Variants in HADHA observed in about 807,000 individuals in gnomAD.
HADHA encodes trifunctional enzyme subunit alpha, mitochondrial.
Under a neutral mutation model 91.3 loss-of-function variants are expected in HADHA, and 59 were observed. The observed-to-expected ratio is 0.65, with a 90% CI of 0.52 to 0.80. The LOEUF (loss-of-function observed/expected upper bound fraction) is 0.80. Among genes scored for constraint, HADHA ranks in the 30% least tolerant of loss-of-function variants. The probability of loss-of-function intolerance (pLI) is 0.00; values close to 1 mark genes in which losing one functional copy is unlikely to be tolerated. For missense variants in HADHA, 800 were observed against 927.6 expected (o/e 0.86, Z 1.79); for synonymous variants, 320 against 338.9 (o/e 0.94, Z 0.61).
At position 26,195,128 on chromosome 2, in the gene HADHA, A is replaced by T; in HGVS notation, c.1584T>A (p.Val528=). Residue 528 remains valine (V), a synonymous_variant, in exon 15 of 20, where the codon GTT becomes GTA. Coordinates refer to ENST00000380649, the MANE Select transcript of HADHA (RefSeq NM_000182.5). ...SKDTSASAVA[V]GLKQGKVIIV... is the part of the protein sequence containing the mutation. ...TGATGACCTTCCCCTGCTTGAGACC[A>T]ACTGCTACAGCTGAAGCACTGGTGT... is the stretch of plus-strand genomic sequence containing the variant. 5 of 1,613,008 alleles carry T rather than the reference A, an allele frequency of 3.1e-6. No individual in the cohort carries two copies. The highest frequency in any genetic ancestry group is 4.2e-6 in the Non-Finnish European group (5 of 1,179,120).
rs373332099 is a variant in HADHA, at chr2:26,221,204, G to C, written c.677-6029C>G. ...CTAGTTTAAGTGGGACCCAGAACAA[G>C]AGAAGCTGTTCTGCCATTTGGGCCA... On this transcript the variant is annotated intron_variant, in intron 7 of 19. Coordinates refer to ENST00000380649, the MANE Select transcript of HADHA (RefSeq NM_000182.5). This position sits in a 1 kb window ranked among gnomAD's most constrained non-coding sequence, Gnocchi z 4.8. 7.2e-5 allele frequency among the ~76,000 whole-genome samples: 11 copies of C among 152,198 alleles called. No homozygotes were observed. In the East Asian group the frequency reaches 1.9e-3, roughly 27 times the overall value.
At chr2:26,228,553 A>G (rs1235748766) in intron 7 of HADHA, among the ~76,000 whole-genome samples, 1 of 152,250 alleles carries the variant, frequency 6.6e-6, no homozygotes, top group East Asian at 1.9e-4. Context: ...GTACATTTCT[A>G]CAATGGAGTA....
chr2:26,209,833 A>G lies in HADHA; in HGVS notation c.1032T>C (p.His344=). 2 of 1,608,552 alleles carry G rather than the reference A, an allele frequency of 1.2e-6. No homozygotes were observed. Among genetic ancestry groups the G allele is most frequent in the South Asian group, 1.1e-5 (1 of 90,964 alleles). ...KESKALMGLY[H]GQVLCKKNKF... The stretch of plus-strand genomic sequence containing the variant: ...TATTCTTCTTGCACAGGACCTGACC[A>G]TGGTAGAGTCCCATCAAGGCCTTTG... Residue 344 remains histidine, a synonymous_variant, in exon 11 of 20, where the codon CAT becomes CAC. Coordinates refer to ENST00000380649, the MANE Select transcript of HADHA (RefSeq NM_000182.5).
rs138584909 is a variant in HADHA, at chr2:26,193,685, C to T, written c.1777G>A (p.Val593Met). The T allele has an allele frequency of 8.1e-6, 13 of 1,613,998 alleles. No individual in the cohort carries two copies. The highest frequency in any genetic ancestry group is 5.3e-5 in the African/African-American group (4 of 74,924). Residue 593 changes from valine (V) to methionine (M), a missense_variant, in exon 17 of 20, where the codon GTG (valine) becomes ATG (methionine). Coordinates refer to ENST00000380649, the MANE Select transcript of HADHA (RefSeq NM_000182.5). The stretch of plus-strand genomic sequence containing the variant: ...TCCGCCACATGTTTCGCTACATCCA[C>T]ACCAACTTCATCCACCAGTGTGGCG... ...GAATLVDEVG[V>M]DVAKHVAEDL...
At chr2:26,200,861 T>C (rs1047363312) in intron 13 of HADHA, among the ~76,000 whole-genome samples, 2 of 151,984 alleles carry the variant, frequency 1.3e-5, no homozygotes, top group African/African-American at 4.8e-5. Context: ...GCCTCCCAAA[T>C]AGCTGGGACT....
rs142120825 is a variant in HADHA at position 26,191,322 on chromosome 2, A to G, written c.2220T>C (p.Tyr740=). 2.4e-5 allele frequency: 38 copies of G among 1,613,900 alleles called. No individual in the cohort carries two copies. The highest frequency in any genetic ancestry group is 3.1e-5 in the Non-Finnish European group (36 of 1,180,030). Residue 740 remains tyrosine (Y), a synonymous_variant, in exon 20 of 20, where the codon TAT becomes TAC. Coordinates refer to ENST00000380649, the MANE Select transcript of HADHA (RefSeq NM_000182.5). ...VDRLKKYEAA[Y]GKQFTPCQLL... ...GCTGGCATGGGGTGAACTGTTTTCC[A>G]TAGGCAGCTTCATATTTCTTGAGCC...
intron 7 of HADHA, among the ~76,000 whole-genome samples, chr2:26,222,149 C>T (rs769347331): frequency 2.0e-5 from 3 of 151,992 alleles, no homozygotes; most frequent in Non-Finnish European, 4.4e-5. Flanking sequence ...TGACTGGTAT[C>T]CTTATGAGAA....
At chr2:26,235,510 C>T (rs115795063) in intron 4 of HADHA, among the ~76,000 whole-genome samples, 3,101 of 152,296 alleles carry the variant, frequency 0.02, 102 homozygotes, top group African/African-American at 0.07. Flanking sequence ...CATGTATTTT[C>T]CTCTGGATAT....
chr2:26,191,214 G>A lies in HADHA; in HGVS notation c.*36C>T. The A allele has an allele frequency of 6.2e-7, 1 of 1,603,758 alleles. No individual in the cohort carries two copies. The highest frequency in any genetic ancestry group is 1.3e-5 in the African/African-American group (1 of 74,818). ...GAGAACCAGCACTGCCGGCAGCTGG[G>A]GTTAGTGCACTGACTGAGCGAGGCA... On this transcript the variant is annotated 3_prime_UTR_variant, in exon 20 of 20. Coordinates refer to ENST00000380649, the MANE Select transcript of HADHA (RefSeq NM_000182.5).
At position 26,229,672 on chromosome 2, in the gene HADHA, C is replaced by T. The variant is rs1446395945; in HGVS notation, c.676+520G>A. Among the ~76,000 whole-genome samples the T allele has an allele frequency of 6.6e-6, 1 of 152,130 alleles. No individual in the cohort carries two copies. The highest frequency in any genetic ancestry group is 1.5e-5 in the Non-Finnish European group (1 of 68,028). On this transcript the variant is annotated intron_variant, in intron 7 of 19. Transcript: ENST00000380649. The surrounding 1 kb of genome is among the most constrained non-coding windows in gnomAD (Gnocchi z 4.3). Reference sequence around the variant, plus strand: ...AATAATGACTTGACTGAATTCTGTACTCCTAATGTTCTAATTATAAAGCAA... The same window carrying T: ...AATAATGACTTGACTGAATTCTGTATTCCTAATGTTCTAATTATAAAGCAA...
chr2:26,218,380 C>T (rs1348641850), intron 7 of HADHA, among the ~76,000 whole-genome samples: 21 of 151,342 alleles, frequency 1.4e-4, no homozygotes, highest in Admixed American at 1.4e-3. Flanking sequence ...TAGACTTTGT[C>T]AGACAAATCA....
rs146890529 is a variant in HADHA, at chr2:26,229,674, C to G, written c.676+518G>C. ...TAATGACTTGACTGAATTCTGTACT[C>G]CTAATGTTCTAATTATAAAGCAAAA... On this transcript the variant is annotated intron_variant, in intron 7 of 19. Coordinates refer to ENST00000380649, the MANE Select transcript of HADHA (RefSeq NM_000182.5). This position sits in a 1 kb window ranked among gnomAD's most constrained non-coding sequence, Gnocchi z 4.3. 1.6e-3 allele frequency among the ~76,000 whole-genome samples: 236 copies of G among 152,210 alleles called. 2 individuals carry two copies. The highest frequency in any genetic ancestry group is 5.4e-3 in the African/African-American group (226 of 41,524).
chr2:26,220,316 T>C (rs1189566073), intron 7 of HADHA, among the ~76,000 whole-genome samples: 2 of 152,188 alleles, frequency 1.3e-5, no homozygotes, highest in African/African-American at 4.8e-5. Context: ...CACTATATGC[T>C]CTGACTTGTA....
chr2:26,210,682 A>G lies in HADHA; in HGVS notation c.976-793T>C, dbSNP rs2147767287. The G allele has an allele frequency of 6.6e-6, 1 of 152,318 alleles. No homozygotes were observed. Among genetic ancestry groups the G allele is most frequent in the Admixed American group, 6.5e-5 (1 of 15,292 alleles). The allele number at this position is 152,318 out of a possible 1,614,324, so 9.4% of individuals were successfully genotyped here. Reference sequence around the variant, plus strand: ...CTTTTTCCACTGTAGCAGGCTGCCCACGTGGGACTTACCACTTTTAAAAGT... The same window carrying G: ...CTTTTTCCACTGTAGCAGGCTGCCCGCGTGGGACTTACCACTTTTAAAAGT... On this transcript the variant is annotated intron_variant, in intron 10 of 19. Transcript: ENST00000380649. This position sits in a 1 kb window ranked among gnomAD's most constrained non-coding sequence, Gnocchi z 4.0.
At chr2:26,208,593 G>A (rs1456455201) in intron 11 of HADHA, among the ~76,000 whole-genome samples, 1 of 152,192 alleles carries the variant, frequency 6.6e-6, no homozygotes, top group Non-Finnish European at 1.5e-5. Flanking sequence ...TTTGCAGGAT[G>A]CTTCTCTGCC....
At position 26,192,382 on chromosome 2, in the gene HADHA, A is replaced by G. The variant is rs773782424; in HGVS notation, c.1928T>C (p.Val643Ala). The G allele has an allele frequency of 1.2e-6, 2 of 1,608,978 alleles. No homozygotes were observed. ...GTCAGAATTCAAATCCTTCCTCTTC[A>G]CACCCTCCTGATAGATGTAAAAGCC... ...GKGFYIYQEGVKRKDLNSDMD... is the reference protein window; with the variant it reads ...GKGFYIYQEGAKRKDLNSDMD... The change falls in exon 18 of 20, where the codon GTG becomes GCG. Residue 643 changes from valine (V) to alanine (A), a missense_variant. Val to Ala is a moderately conservative substitution (Grantham distance 64). Transcript: ENST00000380649.
In HADHA at chr2:26,193,729, A is replaced by G; in HGVS notation, c.1733T>C (p.Phe578Ser). The change falls in exon 17 of 20, where the codon TTT (phenylalanine) becomes TCT (serine). Residue 578 changes from phenylalanine (F) to serine (S), a missense_variant. Transcript: ENST00000380649. The stretch of plus-strand genomic sequence containing the variant: ...TGTGGCGGCACCCACAGGAAAGCCA[A>G]AGCTTGTGGTCAGGGAATCCAGCTT... ...PKKLDSLTTS[F>S]GFPVGAATLV... 6.2e-7 allele frequency: 1 copy of G among 1,614,188 alleles called. No individual in the cohort carries two copies. The highest frequency in any genetic ancestry group is 8.5e-7 in the Non-Finnish European group (1 of 1,180,026).
rs201420712 is a variant in HADHA at position 26,191,312 on chromosome 2, A to G, written c.2230T>C (p.Phe744Leu). The change falls in exon 20 of 20, where the codon TTC becomes CTC. Residue 744 changes from phenylalanine to leucine, a missense_variant. By Grantham distance (22) the Phe-to-Leu change is conservative. Coordinates refer to ENST00000380649, the MANE Select transcript of HADHA (RefSeq NM_000182.5). ...KKYEAAYGKQ[F>L]TPCQLLADHA... ...TCAGCTAGCAGCTGGCATGGGGTGA[A>G]CTGTTTTCCATAGGCAGCTTCATAT... The G allele has an allele frequency of 1.2e-6, 2 of 1,613,758 alleles. No individual in the cohort carries two copies. The highest frequency in any genetic ancestry group is 4.5e-5 in the East Asian group (2 of 44,866).
At chr2:26,242,898 CCCA>C (rs1187662702) in intron 1 of HADHA, among the ~76,000 whole-genome samples, 1 of 152,140 alleles carries the variant, frequency 6.6e-6, no homozygotes, top group African/African-American at 2.4e-5. Flanking sequence ...ACTACAGGCG[CCCA>C]CCAACACGTC....
Sources: gnomAD v4.1 joint callset for allele counts (sites outside exome capture counted in the v4.1 genomes callset) on GRCh38, gnomAD v4.1.1 for gene constraint, Gnocchi (gnomAD v3.1) non-coding constraint, MANE v1.5 for transcripts, NCBI Gene and HGNC (gene_info 2026-07-23, HGNC 2026-07-21) for gene names.